The following EPRS1 variants were observed in gnomAD, a reference collection of about 807,000 sequenced individuals.
The protein encoded by EPRS1 is glutamyl-prolyl-tRNA synthetase 1.
In EPRS1, 107 loss-of-function variants were observed where a neutral mutation model predicts 188.3. The observed-to-expected ratio is 0.57, with a 90% CI of 0.49 to 0.67. The LOEUF (loss-of-function observed/expected upper bound fraction) is 0.67, where lower values mean the gene tolerates loss of function less well. Among genes scored for constraint, EPRS1 ranks in the 30% least tolerant of loss-of-function variants. EPRS1 has a pLI of 0.00. For missense variants in EPRS1, 1,577 were observed against 1,802.2 expected, an observed-to-expected ratio of 0.88 and a Z score of 2.26; for synonymous variants, 596 against 593.1, an observed-to-expected ratio of 1.00 and a Z score of -0.07.
chr1:220,015,248 A>G (rs1661679332), intron 12 of EPRS1, among the ~76,000 whole-genome samples: 1 of 151,914 alleles, frequency 6.6e-6, no homozygotes, highest in Admixed American at 6.6e-5. Context: ...GTGGATCAAG[A>G]GGTCAGGAGT....
chr1:220,046,254 T>G, intron 1 of EPRS1, 89 bp downstream of exon 1: 1 of 1,531,510 alleles, frequency 6.5e-7, no homozygotes, highest in Non-Finnish European at 9.0e-7. Context: ...TGACCACCAC[T>G]GCGCAAAGCC....
chr1:219,997,361 A>G lies in EPRS1; in HGVS notation c.2182-19T>C. 1 of 1,525,714 alleles carries G rather than the reference A, an allele frequency of 6.6e-7. No individual in the cohort carries two copies. The highest frequency in any genetic ancestry group is 8.8e-7 in the Non-Finnish European group (1 of 1,138,976). The allele number at this position is 1,525,714 out of a possible 1,614,324, so 94.5% of individuals were successfully genotyped here. A position where few individuals can be genotyped will look rare whatever the true frequency, so the allele number is the denominator to read the frequency against. Reference sequence around the variant, plus strand: ...CAGAGGTCTACCAAGAGAGAAAACCAAAAGTAAAATAATTAATTCATATTA... The same window carrying G: ...CAGAGGTCTACCAAGAGAGAAAACCGAAAGTAAAATAATTAATTCATATTA... On this transcript the variant is annotated intron_variant, in intron 17 of 31. Transcript: ENST00000366923.
At chr1:220,028,434 C>T (rs901825366) in intron 6 of EPRS1, among the ~76,000 whole-genome samples, 1 of 147,702 alleles carries the variant, frequency 6.8e-6, no homozygotes, top group African/African-American at 2.5e-5. Flanking sequence ...AAGAGTGACT[C>T]TATATCAGAA....
At chr1:220,035,867 G>A (rs1158233664) in intron 2 of EPRS1, among the ~76,000 whole-genome samples, 3 of 152,002 alleles carry the variant, frequency 2.0e-5, no homozygotes, top group Admixed American at 2.0e-4. Context: ...AGAATCTATT[G>A]CTAATAAAGA....
chr1:220,031,456 G>A (rs2102595705), intron 5 of EPRS1, among the ~76,000 whole-genome samples: 1 of 152,218 alleles, frequency 6.6e-6, no homozygotes, highest in Admixed American at 6.5e-5. Context: ...CACTGAAGAT[G>A]GACAGAAAAC....
chr1:219,988,872 G>A, intron 18 of EPRS1, 49 bp from the exon 19 acceptor site: 2 of 1,242,270 alleles, frequency 1.6e-6, no homozygotes, highest in Non-Finnish European at 2.3e-6. Flanking sequence ...GGAAATTTCT[G>A]GAAATTTCAA....
At chr1:220,031,067 G>A (rs1662074225) in intron 5 of EPRS1, among the ~76,000 whole-genome samples, 1 of 147,424 alleles carries the variant, frequency 6.8e-6, no homozygotes, top group East Asian at 2.0e-4. Flanking sequence ...ACTCCAGCCT[G>A]GGTGACGAGC....
chr1:219,981,270 A>G (rs1660892122), intron 24 of EPRS1, 108 bp downstream of exon 24: 1 of 621,996 alleles, frequency 1.6e-6, no homozygotes, highest in East Asian at 2.9e-5. Context: ...TACTTCAAAA[A>G]CAGTTCCATA....
At chr1:220,016,471 T>G (rs1439545877) in intron 12 of EPRS1, among the ~76,000 whole-genome samples, 1 of 150,978 alleles carries the variant, frequency 6.6e-6, no homozygotes, top group African/African-American at 2.4e-5. Context: ...ATTGCAGTGG[T>G]GTGATCAGGA....
At chr1:220,039,168 C>T (rs1449004537) in intron 2 of EPRS1, among the ~76,000 whole-genome samples, 5 of 152,106 alleles carry the variant, frequency 3.3e-5, no homozygotes, top group East Asian at 3.9e-4. Context: ...CTTTCTGAAG[C>T]AACATTCCCC....
At chr1:220,009,610 C>T (rs1478985951) in intron 13 of EPRS1, among the ~76,000 whole-genome samples, 2 of 151,714 alleles carry the variant, frequency 1.3e-5, no homozygotes, top group East Asian at 1.9e-4. Flanking sequence ...TCACTTGAGA[C>T]CAAGATAGAG....
chr1:219,994,572 TAAA>T (rs1332456979), intron 18 of EPRS1, among the ~76,000 whole-genome samples: 2 of 146,166 alleles, frequency 1.4e-5, no homozygotes, highest in African/African-American at 5.0e-5. Flanking sequence ...ACAACAACAA[TAAA>T]AAAACACAAG....
In EPRS1 at chr1:220,040,180, C is replaced by T; in HGVS notation, c.131+5G>A. 6.3e-7 allele frequency: 1 copy of T among 1,575,254 alleles called. No homozygotes were observed. Among genetic ancestry groups the T allele is most frequent in the East Asian group, 2.2e-5 (1 of 44,690 alleles). On this transcript the variant is annotated splice_donor_5th_base_variant and intron_variant, in intron 2 of 31. Coordinates refer to ENST00000366923, the MANE Select transcript of EPRS1 (RefSeq NM_004446.3). ...TACTGAAAATAAAAAGATGAAAACA[C>T]TTACTCAGAAACATGAAGAATATTC...
chr1:220,021,863 T>G lies in EPRS1; in HGVS notation c.1115+484A>C, dbSNP rs200754155. 1.4e-3 allele frequency among the ~76,000 whole-genome samples: 5 copies of G among 3,504 alleles called. No homozygotes were observed. In the South Asian group the frequency reaches 0.04, roughly 28 times the overall value. 2.3% of individuals were successfully genotyped at this position (3,504 alleles called of 152,430 possible). On this transcript the variant is annotated intron_variant, in intron 9 of 31. Transcript: ENST00000366923. ...TTATGATTTATTTTATAAAGTAGGG[T>G]TTTTTTTTTTGGAAAAGGTCCATTT...
Position 220,007,148 on chromosome 1 carries a change from CAAA to C in EPRS1, c.1742+51_1742+53del, listed in dbSNP as rs1324522075. 6 of 1,484,098 alleles carry C rather than the reference CAAA, an allele frequency of 4.0e-6. No homozygotes were observed. In the East Asian group the frequency reaches 1.2e-4, roughly 29 times the overall value. 91.9% of individuals were successfully genotyped at this position (1,484,098 alleles called of 1,614,324 possible). On this transcript the variant is annotated intron_variant, in intron 14 of 31. Coordinates refer to ENST00000366923, the MANE Select transcript of EPRS1 (RefSeq NM_004446.3). The stretch of plus-strand genomic sequence containing the variant: ...TTTGGTAATGTTTAATAAGTAAACA[CAAA>C]TAAAATACTTTTCTCCTATGTTTAT...
chr1:220,002,936 G>A (rs1023228444), intron 16 of EPRS1, among the ~76,000 whole-genome samples: 6 of 152,228 alleles, frequency 3.9e-5, no homozygotes, highest in South Asian at 4.1e-4. Flanking sequence ...TAATGCAGCT[G>A]TAAACATTCA....
Position 219,968,752 on chromosome 1 carries a change from A to G in EPRS1, c.*54T>C, listed in dbSNP as rs2270713. 711 of 1,552,998 alleles carry G rather than the reference A, an allele frequency of 4.6e-4. 13 individuals carry two copies. The East Asian group carries it at 0.016, about 35-fold the overall frequency. ...ACGGTCTGTATCTGAGAAGATACTA[A>G]TATCAATGCTTTAAAAAGTGAGAGG... On this transcript the variant is annotated 3_prime_UTR_variant, in exon 32 of 32. Transcript: ENST00000366923.
rs1256374666 is a variant in EPRS1 at position 220,046,371 on chromosome 1, C to G, written c.18G>C (p.Leu6=). The G allele has an allele frequency of 1.2e-6, 2 of 1,614,082 alleles. No individual in the cohort carries two copies. The highest frequency in any genetic ancestry group is 2.7e-5 in the African/African-American group (2 of 75,060). The change falls in exon 1 of 32, where the codon CTG becomes CTC. Residue 6 remains leucine, a synonymous_variant. Transcript: ENST00000366923. ...GCGGAGGGTCTCCTGAATTCACGGTCAGAGAGAGCGTCGCCATCTCCACCA... is the reference window on the plus strand; with the variant it reads ...GCGGAGGGTCTCCTGAATTCACGGTGAGAGAGAGCGTCGCCATCTCCACCA... MATLS[L]TVNSGDPPLG...
At chr1:220,016,117 G>T (rs1413449595) in intron 12 of EPRS1, among the ~76,000 whole-genome samples, 1 of 152,132 alleles carries the variant, frequency 6.6e-6, no homozygotes, top group African/African-American at 2.4e-5. Flanking sequence ...AGGCTGAGGT[G>T]GGCGGATCAC....
Sources: allele counts gnomAD v4.1 joint callset (sites outside exome capture counted in the v4.1 genomes callset), GRCh38; gene constraint gnomAD v4.1.1; transcripts MANE v1.5; gene names NCBI Gene and HGNC (gene_info 2026-07-23, HGNC 2026-07-21).